NALF1: variants seen among roughly 807,000 people sequenced by gnomAD.
The protein encoded by NALF1 is NALCN channel auxiliary factor 1.
Under a neutral mutation model 48.4 loss-of-function variants are expected in NALF1, and 3 were observed. The observed-to-expected ratio is 0.06, with a 90% confidence interval of 0.03 to 0.16. The LOEUF is 0.16. NALF1 is among the 10% of genes least tolerant of loss of function. The pLI is 1.00. For synonymous variants in NALF1, 262 were observed against 245.7 expected (o/e 1.07, Z -0.62); for missense variants, 526 against 571.5 (o/e 0.92, Z 0.81).
At chr13:107,333,619 T>C (rs1046264584) in intron 1 of NALF1, among the ~76,000 whole-genome samples, 4 of 152,208 alleles carry the variant, frequency 2.6e-5, no homozygotes, top group African/African-American at 9.6e-5. Flanking sequence ...AATTCACAAC[T>C]ATAAAATCAG....
At chr13:107,329,178 GC>G (rs1361056875) in intron 1 of NALF1, among the ~76,000 whole-genome samples, 1 of 152,148 alleles carries the variant, frequency 6.6e-6, no homozygotes, top group African/African-American at 2.4e-5. Context: ...TTAACACATT[GC>G]TTTAAACATA....
chr13:107,390,660 A>C (rs1883610444), intron 1 of NALF1, among the ~76,000 whole-genome samples: 1 of 152,178 alleles, frequency 6.6e-6, no homozygotes, highest in Admixed American at 6.5e-5. Flanking sequence ...AAAGTTGATT[A>C]ATAGACATAA....
chr13:107,277,424 T>A (rs932050605), intron 1 of NALF1, among the ~76,000 whole-genome samples: 1 of 152,172 alleles, frequency 6.6e-6, no homozygotes, highest in Admixed American at 6.5e-5. Flanking sequence ...TCTAGGCAAT[T>A]TCCTCTAAAA....
At chr13:107,217,579 C>G (rs1028360515) in intron 1 of NALF1, among the ~76,000 whole-genome samples, 1 of 152,144 alleles carries the variant, frequency 6.6e-6, no homozygotes, top group Admixed American at 6.5e-5. Flanking sequence ...CCCTCTCTCA[C>G]TCTGTTTCAA....
chr13:107,865,892 G>A lies in NALF1; in HGVS notation c.705C>T (p.Phe235=). 1 of 1,614,052 alleles carries A rather than the reference G, an allele frequency of 6.2e-7. No homozygotes were observed. Among genetic ancestry groups the A allele is most frequent in the Non-Finnish European group, 8.5e-7 (1 of 1,180,028 alleles). The change falls in exon 1 of 3, where the codon TTC becomes TTT. Residue 235 remains phenylalanine, a synonymous_variant. Transcript: ENST00000375915. ...AAGTGTTGGGACTGGACAACCCCGA[G>A]AACAACTCCCAAAGTGTGTAGGAAT... ...FCNSYTLWEL[F]SGLSSPNTLN...
intron 1 of NALF1, among the ~76,000 whole-genome samples, chr13:107,394,889 T>C (rs1171523894): frequency 2.0e-5 from 3 of 152,120 alleles, no homozygotes; most frequent in Non-Finnish European, 4.4e-5. Flanking sequence ...CAAAACAGTC[T>C]CTACCATTAT....
At chr13:107,347,788 C>T (rs1390920110) in intron 1 of NALF1, among the ~76,000 whole-genome samples, 1 of 152,214 alleles carries the variant, frequency 6.6e-6, no homozygotes, top group Non-Finnish European at 1.5e-5. Context: ...AATGTGTAAA[C>T]TCAGACTTAA....
chr13:107,313,972 G>T (rs1346908154), intron 1 of NALF1, among the ~76,000 whole-genome samples: 2 of 152,068 alleles, frequency 1.3e-5, no homozygotes, highest in Non-Finnish European at 2.9e-5. Context: ...CTGTATCAGG[G>T]GTGCGTCCTT....
At chr13:107,194,661 AG>A (rs1393722516) in intron 2 of NALF1, among the ~76,000 whole-genome samples, 1 of 152,198 alleles carries the variant, frequency 6.6e-6, no homozygotes, top group Non-Finnish European at 1.5e-5. Context: ...ACATTGGCTT[AG>A]GCAAAGAATT....
intron 1 of NALF1, among the ~76,000 whole-genome samples, chr13:107,711,570 T>A (rs917204211): frequency 1.3e-5 from 2 of 152,152 alleles, no homozygotes; most frequent in African/African-American, 4.8e-5. Context: ...GTGTTCTCTT[T>A]AACCTAGTAT....
chr13:107,480,551 A>C lies in NALF1; in HGVS notation c.916-269796T>G, dbSNP rs149251208. The stretch of plus-strand genomic sequence containing the variant: ...GAAGAATTGTCTTGGGCCACACATA[A>C]AATATACTAACACTAATGACAGCTG... On this transcript the variant is annotated intron_variant, in intron 1 of 2. Coordinates refer to ENST00000375915, the MANE Select transcript of NALF1 (RefSeq NM_001080396.3). Among the ~76,000 whole-genome samples the C allele has an allele frequency of 3.0e-3, 461 of 152,242 alleles. 7 individuals carry two copies. Among genetic ancestry groups the C allele is most frequent in the African/African-American group, 0.011 (450 of 41,546 alleles).
At chr13:107,368,078 C>G (rs61967186) in intron 1 of NALF1, among the ~76,000 whole-genome samples, 2 of 151,920 alleles carry the variant, frequency 1.3e-5, no homozygotes, top group Non-Finnish European at 2.9e-5. Context: ...AGGTACATTC[C>G]TAAACAGTCA....
chr13:107,829,685 ATGAGTTTACTCGTGTC>A (rs142728746), intron 1 of NALF1, among the ~76,000 whole-genome samples: 11,355 of 152,194 alleles, frequency 0.075, 520 homozygotes, highest in East Asian at 0.2. Flanking sequence ...AAAAAAGATC[ATGAGTTTACTCGTGTC>A]TGAAAATTCT....
intron 1 of NALF1, among the ~76,000 whole-genome samples, chr13:107,259,162 G>A (rs945923150): frequency 6.6e-6 from 1 of 152,100 alleles, no homozygotes; most frequent in African/African-American, 2.4e-5. Context: ...TCCTGGCCAC[G>A]TGTGCCTTTT....
intron 2 of NALF1, among the ~76,000 whole-genome samples, chr13:107,204,077 TG>T (rs1879582856): frequency 2.8e-5 from 4 of 144,246 alleles, no homozygotes; most frequent in Admixed American, 6.9e-5. Context: ...AAGCTCTCCC[TG>T]CTCTCCAGGT....
At chr13:107,594,765 A>C (rs1878695662) in intron 1 of NALF1, among the ~76,000 whole-genome samples, 2 of 152,106 alleles carry the variant, frequency 1.3e-5, no homozygotes, top group Non-Finnish European at 2.9e-5. Context: ...AAAGTAAATT[A>C]ATATTGTTTT....
intron 1 of NALF1, among the ~76,000 whole-genome samples, chr13:107,658,825 C>G (rs1880652044): frequency 1.3e-5 from 2 of 151,914 alleles, no homozygotes; most frequent in Admixed American, 1.3e-4. Context: ...GTTCCTCTGC[C>G]TTAACACCAC....
intron 1 of NALF1, among the ~76,000 whole-genome samples, chr13:107,835,968 G>C (rs920815508): frequency 6.6e-6 from 1 of 152,044 alleles, no homozygotes; most frequent in African/African-American, 2.4e-5. Flanking sequence ...GCACAGAGCC[G>C]GTCTGCTTTT....
chr13:107,237,093 TTTTTTTTTTTTTCTG>T (rs1290838703), intron 1 of NALF1, among the ~76,000 whole-genome samples: 3 of 10,276 alleles, frequency 2.9e-4, no homozygotes, highest in African/African-American at 4.2e-4. Context: ...TATGTGGTTT[TTTTTTTTTTTTTCTG>T]TTTTTGATTA....
Sources: gnomAD v4.1 joint callset for allele counts (sites outside exome capture counted in the v4.1 genomes callset) on GRCh38, gnomAD v4.1.1 for gene constraint, MANE v1.5 for transcripts, NCBI Gene and HGNC (gene_info 2026-07-23, HGNC 2026-07-21) for gene names.